TMEM25: variants seen among roughly 807,000 people sequenced by gnomAD.
TMEM25 encodes the protein transmembrane protein 25, also known as 0610039J01Rik.
A neutral mutation model predicts 37.0 loss-of-function variants in TMEM25; 36 were observed. The observed-to-expected ratio is 0.97, with a 90% CI of 0.75 to 1.28. The LOEUF (loss-of-function observed/expected upper bound fraction) is 1.28, where lower values mean the gene tolerates loss of function less well. TMEM25 is among the 50% of genes most tolerant of loss of function. The pLI is 0.00. For missense variants in TMEM25, 444 were observed against 477.9 expected (o/e 0.93, Z 0.66); for synonymous variants, 197 against 203.7 (o/e 0.97, Z 0.28).
At chr11:118,536,640 C>T (rs983219530), downstream of TMEM25, among the ~76,000 whole-genome samples, 3 of 152,220 alleles carry the variant, frequency 2.0e-5, no homozygotes, top group East Asian at 1.9e-4. Context: ...TCCCAATGGC[C>T]GGATTGGCAT....
Position 118,535,460 on chromosome 11 carries a change from T to C in TMEM25, c.*880T>C. ...CTTCCCCACGTTTGGCCTTCTGGGA[T>C]TCACTGTGAGTGTCCTGAGCTCTCG... On this transcript the variant is annotated 3_prime_UTR_variant, in exon 9 of 9. Coordinates refer to ENST00000313236, the MANE Select transcript of TMEM25 (RefSeq NM_032780.4). 1 of 1,496,998 alleles carries C rather than the reference T, an allele frequency of 6.7e-7. No homozygotes were observed. The highest frequency in any genetic ancestry group is 8.9e-7 in the Non-Finnish European group (1 of 1,122,300). 92.7% of individuals were successfully genotyped at this position (1,496,998 alleles called of 1,614,324 possible). A position where few individuals can be genotyped will look rare whatever the true frequency, so the allele number is the denominator to read the frequency against.
chr11:118,546,316 G>A (rs1334989243), exon 9 of TMEM25: 2 of 597,632 alleles, frequency 3.3e-6, no homozygotes, highest in Non-Finnish European at 6.1e-6. Context: ...TGGGCAACAT[G>A]GTGAAATTCC....
intron 8 of TMEM25, chr11:118,544,838 G>A (rs1203414927): frequency 9.9e-7 from 1 of 1,012,804 alleles, no homozygotes; most frequent in Non-Finnish European, 1.5e-6. Flanking sequence ...AGGACATCAA[G>A]TAGCTGACAA....
chr11:118,544,948 C>G, intron 8 of TMEM25: 1 of 1,613,828 alleles, frequency 6.2e-7, no homozygotes, highest in South Asian at 1.1e-5. Context: ...ATGTCTCCAG[C>G]TTGGGAGGTG....
downstream of TMEM25, chr11:118,547,166 G>A (rs1951706311): frequency 6.6e-6 from 1 of 152,170 alleles, no homozygotes; most frequent in African/African-American, 2.4e-5. Flanking sequence ...GAAAGAGACT[G>A]TTTCCAAATT....
intron 5 of TMEM25, 51 bp from the exon 6 acceptor site, chr11:118,533,806 C>T (rs972977255): frequency 3.1e-6 from 5 of 1,613,322 alleles, no homozygotes; most frequent in Middle Eastern, 3.5e-4. Flanking sequence ...TAGGACAGCC[C>T]AGCGTGGGAG....
At position 118,535,535 on chromosome 11, in the gene TMEM25, C is replaced by G. The variant is rs1951489790; in HGVS notation, c.*955C>G. The G allele has an allele frequency of 3.9e-6, 6 of 1,535,640 alleles. No homozygotes were observed. In the East Asian group the frequency reaches 1.5e-4, roughly 38 times the overall value. ...TGTCTCCTCCACCACGGGACCCCAG[C>G]CCTGACCAACCCATGGTTGCCTCAT... On this transcript the variant is annotated 3_prime_UTR_variant, in exon 9 of 9. Coordinates refer to ENST00000313236, the MANE Select transcript of TMEM25 (RefSeq NM_032780.4).
At chr11:118,535,841 C>T, downstream of TMEM25, 1 of 1,195,012 alleles carries the variant, frequency 8.4e-7, no homozygotes, top group Non-Finnish European at 1.0e-6. Context: ...TTACATATCT[C>T]TGCTTCATTT....
intron 4 of TMEM25, 60 bp from the exon 5 acceptor site, chr11:118,533,360 A>G: frequency 6.2e-7 from 1 of 1,608,364 alleles, no homozygotes; most frequent in Non-Finnish European, 8.5e-7. Flanking sequence ...AGTAGTACCT[A>G]TGGCATGTTG....
intron 8 of TMEM25, chr11:118,544,898 A>T (rs1951637991): frequency 6.3e-7 from 1 of 1,577,878 alleles, no homozygotes; most frequent in Non-Finnish European, 8.7e-7. Context: ...GCCTTGAAAC[A>T]GCAGCTTGGG....
chr11:118,533,414 C>T lies in TMEM25; in HGVS notation c.674-6C>T, dbSNP rs749696919. 15 of 1,613,370 alleles carry T rather than the reference C, an allele frequency of 9.3e-6. No homozygotes were observed. Among genetic ancestry groups the T allele is most frequent in the Non-Finnish European group, 1.1e-5 (13 of 1,179,980 alleles). The stretch of plus-strand genomic sequence containing the variant: ...CTTGGGACCTGACACAGAGGACATC[C>T]TCCAGGGCTTCTGGCTACCCGGGTG... On this transcript the variant is annotated splice_region_variant and splice_polypyrimidine_tract_variant and intron_variant, in intron 4 of 8. Coordinates refer to ENST00000313236, the MANE Select transcript of TMEM25 (RefSeq NM_032780.4).
At position 118,533,526 on chromosome 11, in the gene TMEM25, C is replaced by G. The variant is rs782328443; in HGVS notation, c.780C>G (p.Val260=). ...VGFSTLVACL[V]CRKEKKTKGP... is the part of the protein sequence containing the mutation. ...TCAGCACCTTGGTGGCCTGCCTGGTCTGCAGAAAAGAGAAGAAAACCAAAG... is the reference window on the plus strand; with the variant it reads ...TCAGCACCTTGGTGGCCTGCCTGGTGTGCAGAAAAGAGAAGAAAACCAAAG... Residue 260 remains valine, a synonymous_variant, in exon 5 of 9, where the codon GTC becomes GTG. Coordinates refer to ENST00000313236, the MANE Select transcript of TMEM25 (RefSeq NM_032780.4). 5 of 1,614,080 alleles carry G rather than the reference C, an allele frequency of 3.1e-6. No homozygotes were observed. Among genetic ancestry groups the G allele is most frequent in the Non-Finnish European group, 3.4e-6 (4 of 1,179,994 alleles).
intron 8 of TMEM25, among the ~76,000 whole-genome samples, chr11:118,542,314 A>C (rs1214831217): frequency 6.6e-6 from 1 of 152,208 alleles, no homozygotes; most frequent in African/African-American, 2.4e-5. Context: ...AATGCATTTA[A>C]TACCCATTAA....
intron 6 of TMEM25, 66 bp downstream of exon 6, chr11:118,533,953 T>C: frequency 6.2e-7 from 1 of 1,613,902 alleles, no homozygotes; most frequent in Non-Finnish European, 8.5e-7. Context: ...GGAGGGAGCC[T>C]GGGGTTTCTG....
At position 118,535,251 on chromosome 11, in the gene TMEM25, A is replaced by G; in HGVS notation, c.*671A>G. 6.7e-6 allele frequency: 8 copies of G among 1,190,110 alleles called. No individual in the cohort carries two copies. Among genetic ancestry groups the G allele is most frequent in the Non-Finnish European group, 8.3e-6 (8 of 959,448 alleles). 73.7% of individuals were successfully genotyped at this position (1,190,110 alleles called of 1,614,324 possible). The stretch of plus-strand genomic sequence containing the variant: ...CTTCTCTACTACTTCACTGGGCACT[A>G]GACTTTTCTATTGGCCTGTGCCATC... On this transcript the variant is annotated 3_prime_UTR_variant, in exon 9 of 9. Transcript: ENST00000313236.
rs1305334220 is a variant in TMEM25, at chr11:118,535,726, A to C, written c.*1146A>C. On this transcript the variant is annotated 3_prime_UTR_variant, in exon 9 of 9. Transcript: ENST00000313236. ...ATGATTGGAAATTAATATAGTACAG[A>C]ATATATTTTTCCCTTGTTGAGATCT... 1.2e-5 allele frequency: 17 copies of C among 1,391,714 alleles called. No homozygotes were observed. The East Asian group carries it at 4.2e-4, about 34-fold the overall frequency. 86.2% of individuals were successfully genotyped at this position (1,391,714 alleles called of 1,614,324 possible).
chr11:118,546,575 T>C (rs575936499), downstream of TMEM25: 11 of 183,366 alleles, frequency 6.0e-5, no homozygotes, highest in East Asian at 1.5e-3. Flanking sequence ...TCCAGAACTA[T>C]GAAATAATAC....
Position 118,533,444 on chromosome 11 carries a change from T to A in TMEM25, c.698T>A (p.Val233Glu), listed in dbSNP as rs782699449. 1.1e-5 allele frequency: 18 copies of A among 1,613,998 alleles called. No homozygotes were observed. Among genetic ancestry groups the A allele is most frequent in the Non-Finnish European group, 1.5e-5 (18 of 1,179,988 alleles). ...APGLLATRVE[V>E]PLLGIVVAAG... ...GGGCTTCTGGCTACCCGGGTGGAAGTGCCACTGCTGGGCATTGTTGTGGCT... is the reference window on the plus strand; with the variant it reads ...GGGCTTCTGGCTACCCGGGTGGAAGAGCCACTGCTGGGCATTGTTGTGGCT... The change falls in exon 5 of 9, where the codon GTG (valine) becomes GAG (glutamate). Residue 233 changes from valine (V) to glutamate (E), a missense_variant. Val to Glu is a moderately radical substitution (Grantham distance 121). Coordinates refer to ENST00000313236, the MANE Select transcript of TMEM25 (RefSeq NM_032780.4).
chr11:118,540,705 A>T (rs1555065112), downstream of TMEM25, among the ~76,000 whole-genome samples: 9 of 152,192 alleles, frequency 5.9e-5, no homozygotes. Context: ...CGGGTGACAG[A>T]CCCATTGGAG....
Sources: gnomAD v4.1 joint callset for allele counts (sites outside exome capture counted in the v4.1 genomes callset) on GRCh38, gnomAD v4.1.1 for gene constraint, MANE v1.5 for transcripts, NCBI Gene and HGNC (gene_info 2026-07-23, HGNC 2026-07-21) for gene names.